The following LNPEP variants were observed in gnomAD, a reference collection of about 807,000 sequenced individuals.
LNPEP encodes leucyl-cystinyl aminopeptidase.
LNPEP carries 64 observed loss-of-function variants against 120.6 expected under a neutral mutation model. The observed-to-expected ratio is 0.53, with a 90% CI of 0.43 to 0.65. The LOEUF is 0.65. Ranked by LOEUF, LNPEP falls within the 30% of genes least tolerant of loss-of-function variation. LNPEP has a pLI of 0.00. For missense variants in LNPEP, 1,057 were observed against 1,200.0 expected (o/e 0.88, Z 1.76); for synonymous variants, 435 against 425.4 (o/e 1.02, Z -0.28).
At chr5:96,970,639 G>A (rs1051778121) in intron 1 of LNPEP, among the ~76,000 whole-genome samples, 14 of 151,750 alleles carry the variant, frequency 9.2e-5, no homozygotes, top group African/African-American at 3.1e-4. Context: ...GGCAATTTTA[G>A]TATTTCATTT....
In LNPEP at chr5:96,995,235, C is replaced by G. The variant is rs116967817; in HGVS notation, c.1408-1155C>G. Reference sequence around the variant, plus strand: ...TTCCTCTTTAGGACTTAGAAATCATCTTCCTCTGAAACAGGTTTTAAAATA... The same window carrying G: ...TTCCTCTTTAGGACTTAGAAATCATGTTCCTCTGAAACAGGTTTTAAAATA... On this transcript the variant is annotated intron_variant, in intron 6 of 17. Transcript: ENST00000231368. Among the ~76,000 whole-genome samples the G allele has an allele frequency of 5.9e-5, 9 of 152,280 alleles. No homozygotes were observed. The East Asian group carries it at 1.5e-3, about 26-fold the overall frequency.
At chr5:96,987,514 C>T (rs560971677) in intron 4 of LNPEP, among the ~76,000 whole-genome samples, 1 of 152,094 alleles carries the variant, frequency 6.6e-6, no homozygotes, top group African/African-American at 2.4e-5. Context: ...TCACAGGATA[C>T]TTGGATCTTA....
chr5:96,990,553 A>T (rs1205146848), intron 4 of LNPEP, among the ~76,000 whole-genome samples: 1 of 152,182 alleles, frequency 6.6e-6, no homozygotes, highest in African/African-American at 2.4e-5. Flanking sequence ...ACTACCATTT[A>T]TTGAACACTT....
intron 11 of LNPEP, among the ~76,000 whole-genome samples, 171 bp downstream of exon 11, chr5:97,006,686 C>T (rs543322530): frequency 2.0e-5 from 3 of 152,344 alleles, no homozygotes; most frequent in African/African-American, 7.2e-5. Context: ...ATGCACAAAA[C>T]TGGCTTTTAG....
chr5:96,979,108 G>A (rs750550443), intron 1 of LNPEP, 30 bp from the exon 2 acceptor site: 17 of 1,542,240 alleles, frequency 1.1e-5, no homozygotes, highest in Admixed American at 2.1e-5. Flanking sequence ...TTCTAACTCT[G>A]TGCCTTGTTC....
chr5:96,992,572 C>T lies in LNPEP; in HGVS notation c.1132-443C>T, dbSNP rs150043104. 8.4e-3 allele frequency among the ~76,000 whole-genome samples: 1,271 copies of T among 152,206 alleles called. 7 individuals carry two copies. The highest frequency in any genetic ancestry group is 0.012 in the Non-Finnish European group (825 of 68,008). The stretch of plus-strand genomic sequence containing the variant: ...TCAGTGTTGAGTGCCTGCTAGATGC[C>T]AGGCACGGTGAGGTCCTGAAAGGAT... On this transcript the variant is annotated intron_variant, in intron 4 of 17. Transcript: ENST00000231368.
intron 15 of LNPEP, 121 bp from the exon 16 acceptor site, chr5:97,026,496 C>T: frequency 1.4e-6 from 1 of 708,820 alleles, no homozygotes; most frequent in Non-Finnish European, 2.3e-6. Context: ...ACTAATGCAA[C>T]AGTTATTTCT....
At chr5:96,978,096 A>G (rs998210382) in intron 1 of LNPEP, among the ~76,000 whole-genome samples, 8 of 152,146 alleles carry the variant, frequency 5.3e-5, no homozygotes, top group Admixed American at 1.3e-4. Context: ...CTTCCCTTGT[A>G]GGGAAGATTA....
chr5:96,954,652 A>G (rs191411197), intron 1 of LNPEP, among the ~76,000 whole-genome samples: 3,544 of 120,484 alleles, frequency 0.029, 712 homozygotes, highest in Non-Finnish European at 0.04. Context: ...ATATATACAT[A>G]TATACACATA....
At chr5:96,986,395 C>T (rs1025932342) in intron 3 of LNPEP, 144 bp from the exon 4 acceptor site, 20 of 744,202 alleles carry the variant, frequency 2.7e-5, no homozygotes, top group South Asian at 1.9e-4. Context: ...GAGCCATGCT[C>T]TTTGCAGAAA....
chr5:96,949,587 G>A (rs2112565381), intron 1 of LNPEP, among the ~76,000 whole-genome samples: 1 of 152,336 alleles, frequency 6.6e-6, no homozygotes, highest in African/African-American at 2.4e-5. Flanking sequence ...TAGAGGAACT[G>A]TACATTCCTA....
chr5:96,940,316 C>T (rs929649167), intron 1 of LNPEP, among the ~76,000 whole-genome samples: 1 of 151,670 alleles, frequency 6.6e-6, no homozygotes, highest in African/African-American at 2.4e-5. Flanking sequence ...GATAGATAAC[C>T]AGAGAGATTG....
intron 3 of LNPEP, 112 bp from the exon 4 acceptor site, chr5:96,986,427 A>G: frequency 3.9e-6 from 4 of 1,026,530 alleles, no homozygotes; most frequent in Non-Finnish European, 4.4e-6. Flanking sequence ...AGGTTATAAT[A>G]TGCTAGCATC....
chr5:97,028,117 C>T (rs1043224736), intron 17 of LNPEP, among the ~76,000 whole-genome samples: 1 of 151,914 alleles, frequency 6.6e-6, no homozygotes, highest in African/African-American at 2.4e-5. Context: ...AGCCTTTGGA[C>T]TCTACTTTAT....
chr5:97,018,194 A>T (rs189083328), intron 13 of LNPEP, among the ~76,000 whole-genome samples: 43 of 152,138 alleles, frequency 2.8e-4, no homozygotes, highest in Admixed American at 2.3e-3. Flanking sequence ...ACTTTTTTTC[A>T]CTATTAAAGG....
chr5:97,027,705 T>A, intron 16 of LNPEP, 28 bp from the exon 17 acceptor site: 1 of 1,442,186 alleles, frequency 6.9e-7, no homozygotes, highest in Non-Finnish European at 9.8e-7. Context: ...TGCCTAATCT[T>A]TTTGCTCTTG....
chr5:97,028,727 A>T lies in LNPEP; in HGVS notation c.*194A>T. 2.1e-6 allele frequency: 1 copy of T among 482,876 alleles called. No homozygotes were observed. Among genetic ancestry groups the T allele is most frequent in the Non-Finnish European group, 3.6e-6 (1 of 274,112 alleles). The allele number at this position is 482,876 out of a possible 1,614,324, so 29.9% of individuals were successfully genotyped here. On this transcript the variant is annotated 3_prime_UTR_variant, in exon 18 of 18. Coordinates refer to ENST00000231368, the MANE Select transcript of LNPEP (RefSeq NM_005575.3). ...AAGTGTCTTTGGGCAGTATGTAGTT[A>T]TTTATTACAAAATTATATTCACCTA...
chr5:97,006,600 G>C (rs1373563030), intron 11 of LNPEP, 85 bp downstream of exon 11: 1 of 754,590 alleles, frequency 1.3e-6, no homozygotes, highest in Non-Finnish European at 2.4e-6. Context: ...ACACTTTCCA[G>C]TGTGCACACT....
At chr5:97,026,812 A>G (rs1043438382) in intron 16 of LNPEP, 55 bp downstream of exon 16, 9 of 1,480,744 alleles carry the variant, frequency 6.1e-6, no homozygotes, top group Admixed American at 1.8e-5. Flanking sequence ...TGCATTTGAA[A>G]AAAGCTCCCA....
Sources: gnomAD v4.1 joint callset for allele counts (sites outside exome capture counted in the v4.1 genomes callset) on GRCh38, gnomAD v4.1.1 for gene constraint, MANE v1.5 for transcripts, NCBI Gene and HGNC (gene_info 2026-07-23, HGNC 2026-07-21) for gene names.